Variants in ARHGEF2 observed in about 807,000 individuals in gnomAD.
The protein encoded by ARHGEF2 is Rho/Rac guanine nucleotide exchange factor 2, also known as rho guanine nucleotide exchange factor 2.
Under a neutral mutation model 121.0 loss-of-function variants are expected in ARHGEF2, and 22 were observed. The observed-to-expected ratio is 0.18, with a 90% confidence interval of 0.13 to 0.26. The LOEUF is 0.26. Among genes scored for constraint, ARHGEF2 ranks in the 10% least tolerant of loss-of-function variants. The pLI is 1.00. For synonymous variants in ARHGEF2, 487 were observed against 530.0 expected (o/e 0.92, Z 1.11); for missense variants, 907 against 1,336.0 (o/e 0.68, Z 5.01).
Position 155,965,908 on chromosome 1 carries a change from CT to C in ARHGEF2, c.341-149del. ...AGAAAGATGGTAATGAGAATGCCACCTTACATTTGTGCCATACTCTAATGTT... is the reference window on the plus strand; with the variant it reads ...AGAAAGATGGTAATGAGAATGCCACCTACATTTGTGCCATACTCTAATGTT... On this transcript the variant is annotated intron_variant, in intron 4 of 21. Transcript: ENST00000361247. The surrounding 1 kb of genome is among the most constrained non-coding windows in gnomAD (Gnocchi z 6.0). 9.9e-7 allele frequency: 1 copy of C among 1,014,714 alleles called. No homozygotes were observed. The highest frequency in any genetic ancestry group is 1.4e-6 in the Non-Finnish European group (1 of 732,532). The allele number at this position is 1,014,714 out of a possible 1,614,324, so 62.9% of individuals were successfully genotyped here.
rs1483749145 is a variant in ARHGEF2 at position 155,970,653 on chromosome 1, CCGAGGCCA to C, written c.64-1361_64-1354del. On this transcript the variant is annotated intron_variant, in intron 1 of 21. Coordinates refer to ENST00000361247, the MANE Select transcript of ARHGEF2 (RefSeq NM_001162383.2). ...CTCTAGGAGACCAGTACTGACTCAG[CCGAGGCCA>C]CGAGGCCACGCCAGCAGCTGAGAGG... 6 of 985,476 alleles carry C rather than the reference CCGAGGCCA, an allele frequency of 6.1e-6. No homozygotes were observed. In the South Asian group the frequency reaches 1.4e-4, roughly 23 times the overall value. 61.0% of individuals were successfully genotyped at this position (985,476 alleles called of 1,614,324 possible).
At chr1:155,955,102 T>A (rs1300667486) in intron 13 of ARHGEF2, 133 bp from the exon 14 acceptor site, 5 of 668,358 alleles carry the variant, frequency 7.5e-6, no homozygotes, top group Middle Eastern at 2.7e-4. Context: ...ACACCCTAGC[T>A]TTAATTTAGT....
At position 155,978,210 on chromosome 1, in the gene ARHGEF2, T is replaced by TCCCCCCCCCC; in HGVS notation, c.63+154_63+155insGGGGGGGGGG. 7.7e-7 allele frequency: 1 copy of TCCCCCCCCCC among 1,295,510 alleles called. No homozygotes were observed. The highest frequency in any genetic ancestry group is 9.9e-7 in the Non-Finnish European group (1 of 1,008,882). The allele number at this position is 1,295,510 out of a possible 1,614,324, so 80.3% of individuals were successfully genotyped here. ...CCCACCCCTACCCACTCGCTCGCAG[T>TCCCCCCCCCC]CCCCACCCACCCCGTCCCGCCGCTC... On this transcript the variant is annotated intron_variant, in intron 1 of 21. Coordinates refer to ENST00000361247, the MANE Select transcript of ARHGEF2 (RefSeq NM_001162383.2). The surrounding 1 kb of genome is among the most constrained non-coding windows in gnomAD (Gnocchi z 4.1).
In ARHGEF2 at chr1:155,962,779, G is replaced by T. The variant is rs974795115; in HGVS notation, c.976-61C>A. On this transcript the variant is annotated intron_variant, in intron 8 of 21. Transcript: ENST00000361247. The surrounding 1 kb of genome is among the most constrained non-coding windows in gnomAD (Gnocchi z 5.8). ...CCCCAAAGCCACACTTTACCCACTG[G>T]ACACACCTCTGGCCTCCTGCCAAAC... 1.6e-5 allele frequency: 26 copies of T among 1,608,732 alleles called. 1 individual carries two copies. Among genetic ancestry groups the T allele is most frequent in the East Asian group, 6.7e-5 (3 of 44,850 alleles).
chr1:155,961,815 T>C lies in ARHGEF2; in HGVS notation c.1314A>G (p.Lys438=). The change falls in exon 11 of 22, where the codon AAA becomes AAG. Residue 438 remains lysine, a synonymous_variant. Coordinates refer to ENST00000361247, the MANE Select transcript of ARHGEF2 (RefSeq NM_001162383.2). This position sits in a 1 kb window ranked among gnomAD's most constrained non-coding sequence, Gnocchi z 4.7. ...NVDEGIYQLE[K]GARLQEIYNR... ...TGTAGATCTCCTGCAGACGGGCCCC[T>C]TTCTCCAGCTGATAAATACCCTCGT... The C allele has an allele frequency of 6.2e-7, 1 of 1,613,798 alleles. No homozygotes were observed. Among genetic ancestry groups the C allele is most frequent in the South Asian group, 1.1e-5 (1 of 91,060 alleles).
At chr1:155,953,540 G>A (rs1391988286) in intron 14 of ARHGEF2, among the ~76,000 whole-genome samples, 7 of 151,172 alleles carry the variant, frequency 4.6e-5, no homozygotes, top group East Asian at 2.0e-4. Flanking sequence ...CCAGGAGTTC[G>A]AGACCAGCCT....
In ARHGEF2 at chr1:155,962,009, T is replaced by C; in HGVS notation, c.1219+96A>G. The C allele has an allele frequency of 6.2e-7, 1 of 1,603,008 alleles. No homozygotes were observed. The highest frequency in any genetic ancestry group is 8.5e-7 in the Non-Finnish European group (1 of 1,172,422). The stretch of plus-strand genomic sequence containing the variant: ...CCACCTTTAGAGGCTGCCCAGGGTT[T>C]CACACCCGACCCCACCCTTCCTGTG... On this transcript the variant is annotated intron_variant, in intron 10 of 21. Transcript: ENST00000361247. The surrounding 1 kb of genome is among the most constrained non-coding windows in gnomAD (Gnocchi z 5.8).
chr1:155,958,500 A>G, intron 11 of ARHGEF2, 104 bp from the exon 12 acceptor site: 1 of 850,912 alleles, frequency 1.2e-6, no homozygotes, highest in Non-Finnish European at 1.9e-6. Context: ...TAGAGCTCCC[A>G]GTTTCCCTCT....
At chr1:155,954,801 C>T in intron 14 of ARHGEF2, 101 bp downstream of exon 14, 1 of 1,134,086 alleles carries the variant, frequency 8.8e-7, no homozygotes, top group East Asian at 2.4e-5. Flanking sequence ...TGGATCTACA[C>T]CAGCCCTCAT....
At chr1:155,954,619 T>C (rs1054412534) in intron 14 of ARHGEF2, among the ~76,000 whole-genome samples, 3 of 151,212 alleles carry the variant, frequency 2.0e-5, no homozygotes, top group Admixed American at 6.6e-5. Flanking sequence ...AAGAAGATTT[T>C]TGTGGTCTTT....
At chr1:155,959,436 C>T (rs1018434575) in intron 11 of ARHGEF2, among the ~76,000 whole-genome samples, 1 of 151,964 alleles carries the variant, frequency 6.6e-6, no homozygotes, top group Non-Finnish European at 1.5e-5. Context: ...TTTGTAGAGA[C>T]GGGGTTTCAC....
At chr1:155,960,301 T>C (rs1043053327) in intron 11 of ARHGEF2, among the ~76,000 whole-genome samples, 1 of 151,878 alleles carries the variant, frequency 6.6e-6, no homozygotes, top group African/African-American at 2.4e-5. Context: ...AGATCTTATC[T>C]CTACAAAAAA....
At chr1:155,963,264 T>G in intron 7 of ARHGEF2, 81 bp from the exon 8 acceptor site, 1 of 1,415,932 alleles carries the variant, frequency 7.1e-7, no homozygotes, top group Non-Finnish European at 9.7e-7. Flanking sequence ...ACCTCACAGT[T>G]CACGTGAGGT....
chr1:155,947,855 C>T lies in ARHGEF2; in HGVS notation c.*87G>A, dbSNP rs1268402224. On this transcript the variant is annotated 3_prime_UTR_variant, in exon 22 of 22. Transcript: ENST00000361247. Reference sequence around the variant, plus strand: ...CAATTTGCAGTTCTTTCAAATGTTCCCTCATCATTGGCAAATTGGAGTCCC... The same window carrying T: ...CAATTTGCAGTTCTTTCAAATGTTCTCTCATCATTGGCAAATTGGAGTCCC... 2.7e-6 allele frequency: 2 copies of T among 737,714 alleles called. No homozygotes were observed. Among genetic ancestry groups the T allele is most frequent in the Non-Finnish European group, 4.5e-6 (2 of 443,124 alleles). The allele number at this position is 737,714 out of a possible 1,614,324, so 45.7% of individuals were successfully genotyped here. A position where few individuals can be genotyped will look rare whatever the true frequency, so the allele number is the denominator to read the frequency against.
Position 155,947,958 on chromosome 1 carries a change from A to G in ARHGEF2, c.2945T>C (p.Val982Ala). Residue 982 changes from valine (V) to alanine (A), a missense_variant, in exon 22 of 22, where the codon GTA becomes GCA. This residue lies in a region of ARHGEF2 where 432 missense variants were observed against 559.5 expected (regional missense o/e 0.77). Transcript: ENST00000361247. ...GGGGCCCCCTTAGCTCTCGGAGGCT[A>G]CAGCCTCCCCGTCGCGGCTCTCCGT... The part of the protein sequence containing the change: ...EETESRDGEA[V>A]ASES 1.3e-6 allele frequency: 2 copies of G among 1,550,322 alleles called. No homozygotes were observed. Among genetic ancestry groups the G allele is most frequent in the East Asian group, 4.9e-5 (2 of 41,056 alleles).
chr1:155,959,141 G>A (rs1277394678), intron 11 of ARHGEF2, among the ~76,000 whole-genome samples: 4 of 152,104 alleles, frequency 2.6e-5, no homozygotes, highest in Non-Finnish European at 5.9e-5. Context: ...AACATAACTC[G>A]TGTATTTTTT....
Position 155,952,138 on chromosome 1 carries a change from GTTACCACCGCT to G in ARHGEF2, c.2071_2081del (p.Ser691HisfsTer10). On this transcript the variant is annotated frameshift_variant, in exon 16 of 22. Transcript: ENST00000361247. LOFTEE classifies it high-confidence loss of function. ...CACTGGCAGTGACCCCAGGACTCGT[GTTACCACCGCT>G]GTCTGGTTCCAAGGGCAGGGCTGGC... 6.2e-7 allele frequency: 1 copy of G among 1,614,082 alleles called. No individual in the cohort carries two copies. The highest frequency in any genetic ancestry group is 8.5e-7 in the Non-Finnish European group (1 of 1,180,018).
chr1:155,975,698 T>C (rs565066052), intron 1 of ARHGEF2, among the ~76,000 whole-genome samples: 1 of 152,004 alleles, frequency 6.6e-6, no homozygotes, highest in African/African-American at 2.4e-5. Flanking sequence ...AACAAAGAAA[T>C]AGTCGCTCTG....
At position 155,962,872 on chromosome 1, in the gene ARHGEF2, A is replaced by G; in HGVS notation, c.975+61T>C. 1.2e-6 allele frequency: 2 copies of G among 1,607,072 alleles called. No homozygotes were observed. The highest frequency in any genetic ancestry group is 1.7e-6 in the Non-Finnish European group (2 of 1,175,194). ...AACCCCTAGAATTTGGACCCAAGAA[A>G]TGCCCAACCCAGTCACACCTCCTTC... On this transcript the variant is annotated intron_variant, in intron 8 of 21. Coordinates refer to ENST00000361247, the MANE Select transcript of ARHGEF2 (RefSeq NM_001162383.2). The surrounding 1 kb of genome is among the most constrained non-coding windows in gnomAD (Gnocchi z 5.8).
Sources: gnomAD v4.1 joint callset for allele counts (sites outside exome capture counted in the v4.1 genomes callset) on GRCh38, gnomAD v4.1.1 for gene constraint, gnomAD v4.1.1 regional missense constraint, Gnocchi (gnomAD v3.1) non-coding constraint, MANE v1.5 for transcripts, NCBI Gene and HGNC (gene_info 2026-07-23, HGNC 2026-07-21) for gene names.